The following KDM4C variants were observed in gnomAD, a reference collection of about 807,000 sequenced individuals.
KDM4C encodes lysine demethylase 4C, also known as lysine-specific demethylase 4C.
A neutral mutation model predicts 129.3 loss-of-function variants in KDM4C; 81 were observed. The observed-to-expected ratio is 0.63, with a 90% CI of 0.52 to 0.75. The LOEUF (loss-of-function observed/expected upper bound fraction) is 0.75. Among genes scored for constraint, KDM4C ranks in the 30% least tolerant of loss-of-function variants. The pLI is 0.00. For synonymous variants in KDM4C, 573 were observed against 456.1 expected (o/e 1.26, Z -3.26); for missense variants, 1,457 against 1,304.0 (o/e 1.12, Z -1.81).
chr9:6,790,057 C>T (rs1826234640), intron 1 of KDM4C, among the ~76,000 whole-genome samples: 1 of 150,348 alleles, frequency 6.7e-6, no homozygotes, highest in Non-Finnish European at 1.5e-5. Flanking sequence ...GTGGGATCGC[C>T]TGAGGTCAGG....
chr9:6,917,415 G>A (rs1346992244), intron 8 of KDM4C, among the ~76,000 whole-genome samples: 1 of 152,070 alleles, frequency 6.6e-6, no homozygotes, highest in Non-Finnish European at 1.5e-5. Flanking sequence ...CCTTTCACTG[G>A]TTTCTATTGC....
intron 5 of KDM4C, among the ~76,000 whole-genome samples, chr9:6,873,082 C>T (rs1018306209): frequency 4.6e-5 from 7 of 152,120 alleles, no homozygotes; most frequent in African/African-American, 1.7e-4. Flanking sequence ...GCGCACCACT[C>T]CACCTCTTGG....
intron 5 of KDM4C, among the ~76,000 whole-genome samples, chr9:6,864,767 GA>G (rs558898546): frequency 1.5e-3 from 220 of 151,442 alleles, no homozygotes; most frequent in African/African-American, 5.2e-3. Context: ...GTAATTCTTA[GA>G]TTTGGTCTTT....
At chr9:6,946,102 A>G (rs1189503145) in intron 8 of KDM4C, among the ~76,000 whole-genome samples, 1 of 152,156 alleles carries the variant, frequency 6.6e-6, no homozygotes, top group African/African-American at 2.4e-5. Flanking sequence ...ATCCTATGGT[A>G]TTGCTTGTGT....
intron 1 of KDM4C, among the ~76,000 whole-genome samples, chr9:6,764,443 G>C (rs1327311398): frequency 3.3e-5 from 5 of 152,106 alleles, no homozygotes; most frequent in Admixed American, 1.3e-4. Context: ...TTTTATTTTT[G>C]ATGGGTGGTA....
chr9:7,108,524 A>C (rs1277998914), intron 18 of KDM4C, among the ~76,000 whole-genome samples: 2 of 152,226 alleles, frequency 1.3e-5, no homozygotes, highest in African/African-American at 4.8e-5. Context: ...GGCATGAGCC[A>C]CTGCGCCCAG....
At chr9:7,052,894 A>AGAGAGAGAGAGCGAGAGAGC (rs1339242817) in intron 17 of KDM4C, among the ~76,000 whole-genome samples, 6 of 105,468 alleles carry the variant, frequency 5.7e-5, no homozygotes. Context: ...AGAGAGAGAG[A>AGAGAGAGAGAGCGAGAGAGC]GAGAGAGCGA....
chr9:7,152,848 A>T (rs1253957642), intron 19 of KDM4C, among the ~76,000 whole-genome samples: 1 of 152,196 alleles, frequency 6.6e-6, no homozygotes, highest in East Asian at 1.9e-4. Flanking sequence ...GAAAGAAAAT[A>T]AAGGCTGGAC....
intron 2 of KDM4C, among the ~76,000 whole-genome samples, chr9:6,799,065 C>G (rs1259804360): frequency 6.6e-6 from 1 of 151,624 alleles, no homozygotes; most frequent in African/African-American, 2.4e-5. Context: ...GGCAGAGACG[C>G]TCCTCACTTT....
At chr9:7,099,458 C>A (rs1836828435) in intron 17 of KDM4C, among the ~76,000 whole-genome samples, 1 of 152,194 alleles carries the variant, frequency 6.6e-6, no homozygotes, top group South Asian at 2.1e-4. Flanking sequence ...TCCAGTCCCC[C>A]AAGAAAGTAC....
At chr9:6,944,236 C>G (rs1457970834) in intron 8 of KDM4C, among the ~76,000 whole-genome samples, 1 of 152,098 alleles carries the variant, frequency 6.6e-6, no homozygotes, top group Non-Finnish European at 1.5e-5. Context: ...TGAACTTATG[C>G]CAGATTCAGA....
At chr9:7,062,088 G>A (rs1361313764) in intron 17 of KDM4C, among the ~76,000 whole-genome samples, 3 of 151,758 alleles carry the variant, frequency 2.0e-5, no homozygotes, top group African/African-American at 4.8e-5. Flanking sequence ...CTACCTCAGC[G>A]TCCCAAGTAG....
intron 5 of KDM4C, among the ~76,000 whole-genome samples, chr9:6,856,114 C>G (rs1381988787): frequency 6.6e-6 from 1 of 151,760 alleles, no homozygotes; most frequent in Non-Finnish European, 1.5e-5. Context: ...TTGGTAGGTA[C>G]TCAGTAAACA....
chr9:6,776,235 A>G (rs1033903823), intron 1 of KDM4C, among the ~76,000 whole-genome samples: 5 of 152,056 alleles, frequency 3.3e-5, no homozygotes, highest in South Asian at 2.1e-4. Context: ...CAGGCTTTAC[A>G]GGTGTATGCC....
At chr9:6,769,584 T>C (rs899226496) in intron 1 of KDM4C, among the ~76,000 whole-genome samples, 3 of 152,176 alleles carry the variant, frequency 2.0e-5, no homozygotes, top group African/African-American at 7.2e-5. Context: ...AAGTAACATA[T>C]GTTAAAGCAC....
chr9:6,763,641 T>C (rs923359975), intron 1 of KDM4C, among the ~76,000 whole-genome samples: 3 of 152,272 alleles, frequency 2.0e-5, no homozygotes, highest in African/African-American at 4.8e-5. Flanking sequence ...AGTGTTACCA[T>C]TGTGAAGAGG....
chr9:7,150,123 T>C (rs1162305942), intron 19 of KDM4C, among the ~76,000 whole-genome samples: 1 of 152,196 alleles, frequency 6.6e-6, no homozygotes, highest in Non-Finnish European at 1.5e-5. Flanking sequence ...TGACCAGCTA[T>C]GCGAGCCCAA....
intron 12 of KDM4C, among the ~76,000 whole-genome samples, chr9:6,991,894 T>G (rs983674770): frequency 1.3e-5 from 2 of 152,094 alleles, no homozygotes; most frequent in African/African-American, 4.8e-5. Context: ...ATATCATGAA[T>G]GTAGGGATTA....
At chr9:7,029,646 T>C (rs917621538) in intron 15 of KDM4C, among the ~76,000 whole-genome samples, 9 of 152,242 alleles carry the variant, frequency 5.9e-5, no homozygotes, top group African/African-American at 2.2e-4. Flanking sequence ...ATTTTTTAAT[T>C]TGGGGGACAG....
Sources: allele counts gnomAD v4.1 joint callset (sites outside exome capture counted in the v4.1 genomes callset), GRCh38; gene constraint gnomAD v4.1.1; transcripts MANE v1.5; gene names NCBI Gene and HGNC (gene_info 2026-07-23, HGNC 2026-07-21).